The following ASCC3 variants were observed in gnomAD, a reference collection of about 807,000 sequenced individuals.
ASCC3 encodes the protein ASC-1 complex subunit P200.
Under a neutral mutation model 256.3 loss-of-function variants are expected in ASCC3, and 158 were observed. The observed-to-expected ratio is 0.62, with a 90% CI of 0.54 to 0.70. The LOEUF (loss-of-function observed/expected upper bound fraction) is 0.70, where lower values mean the gene tolerates loss of function less well. Ranked by LOEUF, ASCC3 falls within the 30% of genes least tolerant of loss-of-function variation. The probability of loss-of-function intolerance (pLI) is 0.00; values close to 1 mark genes in which losing one functional copy is unlikely to be tolerated. For synonymous variants in ASCC3, 948 were observed against 883.4 expected, an observed-to-expected ratio of 1.07 and a Z score of -1.30; for missense variants, 2,259 against 2,626.0, an observed-to-expected ratio of 0.86 and a Z score of 3.05.
At chr6:100,511,565 T>C (rs1308522718) in intron 40 of ASCC3, among the ~76,000 whole-genome samples, 1 of 152,168 alleles carries the variant, frequency 6.6e-6, no homozygotes, top group African/African-American at 2.4e-5. Context: ...ACCCTATCTC[T>C]ACTAAAAATA....
At chr6:100,736,416 G>A (rs1780169098) in intron 10 of ASCC3, among the ~76,000 whole-genome samples, 2 of 152,030 alleles carry the variant, frequency 1.3e-5, no homozygotes, top group South Asian at 2.1e-4. Flanking sequence ...CAGGAGAATC[G>A]CTTGAACCAG....
chr6:100,574,833 G>A (rs950716636), intron 36 of ASCC3, among the ~76,000 whole-genome samples: 1 of 151,914 alleles, frequency 6.6e-6, no homozygotes, highest in Non-Finnish European at 1.5e-5. Context: ...GACTTCTATC[G>A]GGAAAATATT....
chr6:100,652,283 G>C (rs1259803198), intron 18 of ASCC3, among the ~76,000 whole-genome samples: 2 of 152,156 alleles, frequency 1.3e-5, no homozygotes, highest in East Asian at 1.9e-4. Flanking sequence ...ATAGGTGATG[G>C]AAGGAGTGAA....
intron 30 of ASCC3, among the ~76,000 whole-genome samples, chr6:100,622,104 T>A (rs925477289): frequency 6.6e-5 from 10 of 151,890 alleles, no homozygotes; most frequent in African/African-American, 2.4e-4. Context: ...AGGGAGAATA[T>A]CAGGAAGAAC....
chr6:100,784,699 C>A (rs1782609916), intron 8 of ASCC3, among the ~76,000 whole-genome samples: 1 of 151,984 alleles, frequency 6.6e-6, no homozygotes, highest in Admixed American at 6.6e-5. Flanking sequence ...AAAGTTGGGA[C>A]TATAAAGACA....
chr6:100,844,726 C>T (rs1182994947), intron 4 of ASCC3, among the ~76,000 whole-genome samples: 1 of 151,996 alleles, frequency 6.6e-6, no homozygotes, highest in African/African-American at 2.4e-5. Context: ...AGAAGAAATG[C>T]TCTTAGAAGA....
chr6:100,811,375 T>C lies in ASCC3; in HGVS notation c.802-5495A>G, dbSNP rs552191204. On this transcript the variant is annotated intron_variant, in intron 4 of 41. Transcript: ENST00000369162. ...CTCCCTTCATCACCAATTCTGTTAA[T>C]AATACAACAATCCCTCAGTGAAATT... is the stretch of plus-strand genomic sequence containing the variant. Among the ~76,000 whole-genome samples, 11 of 152,324 alleles carry C rather than the reference T, an allele frequency of 7.2e-5. No individual in the cohort carries two copies. In the South Asian group the frequency reaches 2.3e-3, roughly 32 times the overall value.
intron 1 of ASCC3, 98 bp from the exon 2 acceptor site, chr6:100,868,136 T>A: frequency 1.4e-6 from 1 of 700,322 alleles, no homozygotes; most frequent in Admixed American, 2.6e-5. Context: ...AGGAAAAAAT[T>A]GGTTAAAAAG....
At chr6:100,810,773 A>G (rs1458677519) in intron 4 of ASCC3, among the ~76,000 whole-genome samples, 1 of 152,180 alleles carries the variant, frequency 6.6e-6, no homozygotes, top group Non-Finnish European at 1.5e-5. Flanking sequence ...TTCAATTGCT[A>G]GTAGTTGCAA....
rs144850410 is a variant in ASCC3 at position 100,657,997 on chromosome 6, A to T, written c.2704-2179T>A. 1.1e-4 allele frequency among the ~76,000 whole-genome samples: 16 copies of T among 151,632 alleles called. No homozygotes were observed. In the East Asian group the frequency reaches 3.1e-3, roughly 29 times the overall value. On this transcript the variant is annotated intron_variant, in intron 16 of 41. Coordinates refer to ENST00000369162, the MANE Select transcript of ASCC3 (RefSeq NM_006828.4). ...TTTGAAATTTATTCCCTCATCTCAA[A>T]ATCATATAGTAAGTCAGTAACAAGC...
chr6:100,740,354 A>G (rs1277614416), intron 10 of ASCC3, among the ~76,000 whole-genome samples: 2 of 152,184 alleles, frequency 1.3e-5, no homozygotes, highest in East Asian at 3.9e-4. Context: ...ACTTCCGATT[A>G]TGTGATCAAT....
intron 8 of ASCC3, among the ~76,000 whole-genome samples, chr6:100,787,322 T>C (rs544160547): frequency 6.1e-4 from 92 of 152,042 alleles, no homozygotes; most frequent in African/African-American, 2.1e-3. Flanking sequence ...ATGAAATACA[T>C]AGGTATAAAT....
intron 13 of ASCC3, among the ~76,000 whole-genome samples, chr6:100,696,437 T>G (rs1331324524): frequency 2.0e-5 from 3 of 152,116 alleles, no homozygotes; most frequent in Admixed American, 6.5e-5. Flanking sequence ...TTTTATCAAA[T>G]GATTTCTCTA....
At chr6:100,530,440 G>A (rs1403906185) in intron 37 of ASCC3, 1 of 826,004 alleles carries the variant, frequency 1.2e-6, no homozygotes, top group Non-Finnish European at 2.2e-6. Context: ...ATATGAGAGA[G>A]TGTAAAAGGA....
intron 8 of ASCC3, among the ~76,000 whole-genome samples, chr6:100,786,531 T>A (rs544580341): frequency 6.6e-6 from 1 of 152,282 alleles, no homozygotes; most frequent in South Asian, 2.1e-4. Flanking sequence ...TGCCCAAATA[T>A]TTTATCCTTT....
chr6:100,524,362 T>G (rs2114628038), intron 37 of ASCC3, among the ~76,000 whole-genome samples: 1 of 152,322 alleles, frequency 6.6e-6, no homozygotes, highest in Non-Finnish European at 1.5e-5. Flanking sequence ...AAAATTAATT[T>G]TAACCTACCA....
At chr6:100,535,494 G>A (rs1775116778) in intron 37 of ASCC3, among the ~76,000 whole-genome samples, 1 of 131,968 alleles carries the variant, frequency 7.6e-6, no homozygotes, top group Non-Finnish European at 1.6e-5. Context: ...TTTTGAGATG[G>A]AGTCTTGCTC....
At chr6:100,770,733 A>G (rs951305159) in intron 8 of ASCC3, among the ~76,000 whole-genome samples, 4 of 152,064 alleles carry the variant, frequency 2.6e-5, no homozygotes, top group Admixed American at 2.6e-4. Context: ...CAGTAAAAAT[A>G]GCACTCTGTT....
At position 100,589,734 on chromosome 6, in the gene ASCC3, C is replaced by T. The variant is rs753686708; in HGVS notation, c.5450G>A (p.Arg1817Gln). The T allele has an allele frequency of 1.1e-5, 17 of 1,613,472 alleles. No individual in the cohort carries two copies. The highest frequency in any genetic ancestry group is 6.7e-5 in the African/African-American group (5 of 74,852). The change falls in exon 36 of 42, where the codon CGA (arginine) becomes CAA (glutamine). Residue 1817 changes from arginine to glutamine, a missense_variant. Arg to Gln is a conservative substitution (Grantham distance 43). This residue lies in a region of ASCC3 where 1,839 missense variants were observed against 2,206.7 expected (regional missense o/e 0.83). Coordinates refer to ENST00000369162, the MANE Select transcript of ASCC3 (RefSeq NM_006828.4). ...NRSIEPLTYG[R>Q]IASYYYLKHQ... ...CTTCAAATAGTAATAGGAGGCAATT[C>T]GGCCATAAGTTAGAGGTTCAATGCT... is the stretch of plus-strand genomic sequence containing the variant.
Sources: allele counts gnomAD v4.1 joint callset (sites outside exome capture counted in the v4.1 genomes callset), GRCh38; gene constraint gnomAD v4.1.1; regional missense constraint gnomAD v4.1.1; transcripts MANE v1.5; gene names NCBI Gene and HGNC (gene_info 2026-07-23, HGNC 2026-07-21).